The following TCEANC2 variants were observed in gnomAD, a reference collection of about 807,000 sequenced individuals.
TCEANC2 encodes the protein transcription elongation factor A N-terminal and central domain-containing protein 2.
TCEANC2 carries 20 observed loss-of-function variants against 22.8 expected under a neutral mutation model. The ratio of observed to expected loss-of-function variants is 0.88; its 90% CI spans 0.62 to 1.28. The LOEUF (loss-of-function observed/expected upper bound fraction) is 1.28. Ranked by LOEUF, TCEANC2 falls within the 50% of genes most tolerant of loss-of-function variation. The probability of loss-of-function intolerance (pLI) is 0.00; values close to 1 mark genes in which losing one functional copy is unlikely to be tolerated. For synonymous variants in TCEANC2, 84 were observed against 95.5 expected (o/e 0.88, Z 0.70); for missense variants, 251 against 249.7 (o/e 1.01, Z -0.03).
At chr1:54,066,325 A>C (rs1557687511) in intron 2 of TCEANC2, among the ~76,000 whole-genome samples, 1 of 152,136 alleles carries the variant, frequency 6.6e-6, no homozygotes, top group Non-Finnish European at 1.5e-5. Flanking sequence ...AAGAAGAAAA[A>C]AAGAAGAGAA....
chr1:54,065,471 A>G (rs545887958), intron 2 of TCEANC2, among the ~76,000 whole-genome samples: 1 of 152,226 alleles, frequency 6.6e-6, no homozygotes, highest in South Asian at 2.1e-4. Flanking sequence ...TAATCCCAGC[A>G]CTTGGGGAGG....
At chr1:54,088,892 C>T in intron 4 of TCEANC2, 102 bp downstream of exon 4, 1 of 757,690 alleles carries the variant, frequency 1.3e-6, no homozygotes, top group Non-Finnish European at 1.9e-6. Context: ...TTAGTAGGTG[C>T]TCTTGGTTAA....
At chr1:54,065,861 T>C (rs1657945153) in intron 2 of TCEANC2, among the ~76,000 whole-genome samples, 1 of 152,032 alleles carries the variant, frequency 6.6e-6, no homozygotes, top group Non-Finnish European at 1.5e-5. Context: ...AGGGGATCAG[T>C]TGAGGCCAGG....
exon 5 of TCEANC2, chr1:54,111,709 T>G (rs1267413928): frequency 6.6e-6 from 1 of 152,212 alleles, no homozygotes; most frequent in Non-Finnish European, 1.5e-5. Flanking sequence ...CCATCCTCAT[T>G]TGGCAAATGA....
At position 54,096,379 on chromosome 1, in the gene TCEANC2, T is replaced by C. The variant is rs774735168; in HGVS notation, c.533T>C (p.Leu178Pro). Residue 178 changes from leucine (L) to proline (P), a missense_variant, in exon 5 of 5, where the codon CTG becomes CCG. Physicochemically the swap from Leu to Pro is moderately conservative, Grantham distance 98. Transcript: ENST00000234827. The surrounding 1 kb of genome is among the most constrained non-coding windows in gnomAD (Gnocchi z 4.9). ...NGPYRRTVRA[L>P]VFTLKHRAEI... ...CCGTACCGGCGGACGGTGAGAGCCC[T>C]GGTCTTCACATTAAAGCACCGAGCT... is the stretch of plus-strand genomic sequence containing the variant. 1.9e-6 allele frequency: 3 copies of C among 1,613,680 alleles called. No homozygotes were observed. Among genetic ancestry groups the C allele is most frequent in the Non-Finnish European group, 2.5e-6 (3 of 1,179,514 alleles).
chr1:54,070,181 CATT>C (rs1298784412), intron 3 of TCEANC2, among the ~76,000 whole-genome samples: 1 of 152,184 alleles, frequency 6.6e-6, no homozygotes, highest in African/African-American at 2.4e-5. Context: ...AAGACCCTAT[CATT>C]GTAGCCAAGG....
At chr1:54,083,312 G>A (rs193285146) in intron 3 of TCEANC2, among the ~76,000 whole-genome samples, 6 of 152,314 alleles carry the variant, frequency 3.9e-5, no homozygotes, top group Admixed American at 3.3e-4. Flanking sequence ...ATTACTCAGG[G>A]AAGGCAAGTG....
chr1:54,098,779 A>G lies in TCEANC2; in HGVS notation c.*2306A>G, dbSNP rs1658604014. 1 of 152,244 alleles carries G rather than the reference A, an allele frequency of 6.6e-6. No homozygotes were observed. Among genetic ancestry groups the G allele is most frequent in the South Asian group, 2.1e-4 (1 of 4,836 alleles). The allele number at this position is 152,244 out of a possible 1,614,324, so 9.4% of individuals were successfully genotyped here. ...CCTGGAGGAGCTGATACCTGTGTTC[A>G]GTCTTAAAGGGCAGGAGTTTGGATA... is the stretch of plus-strand genomic sequence containing the variant. On this transcript the variant is annotated 3_prime_UTR_variant, in exon 5 of 5. Transcript: ENST00000234827.
chr1:54,091,939 C>A (rs981203744), intron 4 of TCEANC2, among the ~76,000 whole-genome samples: 2 of 152,208 alleles, frequency 1.3e-5, no homozygotes, highest in African/African-American at 2.4e-5. Context: ...GAAACACTGG[C>A]TGGTTGGCTC....
Position 54,105,106 on chromosome 1 carries a change from C to T in TCEANC2, c.*8633C>T, listed in dbSNP as rs1182788060. The T allele has an allele frequency of 1.3e-5, 2 of 153,770 alleles. No individual in the cohort carries two copies. Among genetic ancestry groups the T allele is most frequent in the Non-Finnish European group, 2.9e-5 (2 of 69,050 alleles). The allele number at this position is 153,770 out of a possible 1,614,324, so 9.5% of individuals were successfully genotyped here. A position where few individuals can be genotyped will look rare whatever the true frequency, so the allele number is the denominator to read the frequency against. On this transcript the variant is annotated 3_prime_UTR_variant, in exon 5 of 5. Coordinates refer to ENST00000234827, the MANE Select transcript of TCEANC2 (RefSeq NM_153035.3). ...TGTCCAACTTACTTTCCTAAGTTTC[C>T]CCCAGGAAAGGAGGTCCACCAGAAC...
rs1189228242 is a variant in TCEANC2 at position 54,089,826 on chromosome 1, C to T, written c.438+1036C>T. On this transcript the variant is annotated intron_variant, in intron 4 of 4. Transcript: ENST00000234827. ...TGAATTTGCACCAAAGCAGCAGCTG[C>T]ATTGCCACAGTTCTGTCTTCACCTT... 6 of 426,448 alleles carry T rather than the reference C, an allele frequency of 1.4e-5. No individual in the cohort carries two copies. In the Admixed American group the frequency reaches 2.2e-4, roughly 16 times the overall value. The allele number at this position is 426,448 out of a possible 1,614,324, so 26.4% of individuals were successfully genotyped here. A position where few individuals can be genotyped will look rare whatever the true frequency, so the allele number is the denominator to read the frequency against.
chr1:54,066,327 A>G (rs947659553), intron 2 of TCEANC2, among the ~76,000 whole-genome samples: 3 of 152,126 alleles, frequency 2.0e-5, no homozygotes, highest in Non-Finnish European at 4.4e-5. Context: ...GAAGAAAAAA[A>G]GAAGAGAAAA....
At chr1:54,107,023 T>C (rs1035950624), downstream of TCEANC2, among the ~76,000 whole-genome samples, 2 of 152,338 alleles carry the variant, frequency 1.3e-5, no homozygotes. Flanking sequence ...GTTGGTATAC[T>C]ACTATTACTA....
At chr1:54,062,937 C>G (rs1657885834) in intron 2 of TCEANC2, among the ~76,000 whole-genome samples, 1 of 152,178 alleles carries the variant, frequency 6.6e-6, no homozygotes, top group African/African-American at 2.4e-5. Context: ...TGATGTGGAA[C>G]TCTTAACCTG....
At position 54,099,394 on chromosome 1, in the gene TCEANC2, C is replaced by T. The variant is rs1261348925; in HGVS notation, c.*2921C>T. On this transcript the variant is annotated 3_prime_UTR_variant, in exon 5 of 5. Transcript: ENST00000234827. ...GAAGGGAAGGAAGCTTGCAGACATCCCTCCCAATCTTGCCCACACACTGAG... is the reference window on the plus strand; with the variant it reads ...GAAGGGAAGGAAGCTTGCAGACATCTCTCCCAATCTTGCCCACACACTGAG... The T allele has an allele frequency of 6.6e-6, 1 of 152,168 alleles. No homozygotes were observed. Among genetic ancestry groups the T allele is most frequent in the Non-Finnish European group, 1.5e-5 (1 of 68,048 alleles). The allele number at this position is 152,168 out of a possible 1,614,324, so 9.4% of individuals were successfully genotyped here. A position where few individuals can be genotyped will look rare whatever the true frequency, so the allele number is the denominator to read the frequency against.
chr1:54,058,508 T>A (rs1461729090), intron 2 of TCEANC2, among the ~76,000 whole-genome samples: 1 of 152,160 alleles, frequency 6.6e-6, no homozygotes, highest in Non-Finnish European at 1.5e-5. Flanking sequence ...TGCAGTACAT[T>A]TTTCTGAATG....
intron 2 of TCEANC2, 37 bp downstream of exon 2, chr1:54,054,561 G>A: frequency 6.3e-7 from 1 of 1,580,998 alleles, no homozygotes. Flanking sequence ...AATGTGCAAA[G>A]GACTGATAGC....
chr1:54,083,948 C>T (rs1658291465), intron 3 of TCEANC2, among the ~76,000 whole-genome samples: 1 of 151,832 alleles, frequency 6.6e-6, no homozygotes, highest in South Asian at 2.1e-4. Flanking sequence ...CTGCTTTTTT[C>T]ACTAAACTAA....
intron 3 of TCEANC2, among the ~76,000 whole-genome samples, chr1:54,077,325 C>G (rs1403834775): frequency 1.3e-5 from 2 of 152,162 alleles, no homozygotes; most frequent in African/African-American, 2.4e-5. Context: ...TAGCCAGATT[C>G]CTTTAAAAAT....
Sources: allele counts gnomAD v4.1 joint callset (sites outside exome capture counted in the v4.1 genomes callset), GRCh38; gene constraint gnomAD v4.1.1; non-coding constraint Gnocchi (gnomAD v3.1); transcripts MANE v1.5; gene names NCBI Gene and HGNC (gene_info 2026-07-23, HGNC 2026-07-21).